GNAT3: variants seen among roughly 807,000 people sequenced by gnomAD.
The protein encoded by GNAT3 is G protein subunit alpha transducin 3.
In GNAT3, 31 loss-of-function variants were observed where a neutral mutation model predicts 37.7. The ratio of observed to expected loss-of-function variants is 0.82; its 90% CI spans 0.62 to 1.11. The LOEUF (loss-of-function observed/expected upper bound fraction) is 1.11, where lower values mean the gene tolerates loss of function less well. Ranked by LOEUF, GNAT3 falls within the 50% of genes most tolerant of loss-of-function variation. The pLI is 0.00. For missense variants in GNAT3, 437 were observed against 412.5 expected (o/e 1.06, Z -0.51); for synonymous variants, 138 against 139.8 (o/e 0.99, Z 0.09).
chr7:80,502,902 C>T (rs1291820175), intron 1 of GNAT3, among the ~76,000 whole-genome samples: 1 of 152,104 alleles, frequency 6.6e-6, no homozygotes, highest in Admixed American at 6.5e-5. Context: ...CCTAACATTC[C>T]TCAAATCTTA....
chr7:80,491,562 T>A (rs113606512), intron 2 of GNAT3, among the ~76,000 whole-genome samples: 3,082 of 152,016 alleles, frequency 0.02, 86 homozygotes, highest in African/African-American at 0.066. Context: ...AGAGATAGAG[T>A]TAGAAGAATA....
rs1313953919 is a variant in GNAT3, at chr7:80,462,152, AT to A, written c.874+6del. ...ATTTCTATGGAACTAAAAGAAAAAA[AT>A]CTTACCAGTGTATTCTGGAAAGCAG... On this transcript the variant is annotated splice_donor_region_variant and intron_variant, in intron 7 of 7. Transcript: ENST00000398291. 2.0e-6 allele frequency: 3 copies of A among 1,526,216 alleles called. No homozygotes were observed. The highest frequency in any genetic ancestry group is 4.9e-5 in the East Asian group (2 of 40,944). The allele number at this position is 1,526,216 out of a possible 1,614,324, so 94.5% of individuals were successfully genotyped here. A position where few individuals can be genotyped will look rare whatever the true frequency, so the allele number is the denominator to read the frequency against.
At chr7:80,505,362 T>A (rs1003497410) in intron 1 of GNAT3, among the ~76,000 whole-genome samples, 8 of 152,182 alleles carry the variant, frequency 5.3e-5, no homozygotes, top group African/African-American at 1.2e-4. Context: ...AGTGATTTTT[T>A]AAATTTATTT....
chr7:80,487,047 G>A (rs191400964), intron 3 of GNAT3, among the ~76,000 whole-genome samples: 96 of 152,186 alleles, frequency 6.3e-4, no homozygotes, highest in African/African-American at 2.1e-3. Flanking sequence ...ATAGCAAAAA[G>A]CACTATAATG....
intron 1 of GNAT3, among the ~76,000 whole-genome samples, chr7:80,495,793 C>G (rs548491440): frequency 1.3e-5 from 2 of 152,228 alleles, no homozygotes; most frequent in East Asian, 1.9e-4. Flanking sequence ...TTACATTTCT[C>G]TGACAATTAG....
chr7:80,507,041 G>T (rs1043680297), intron 1 of GNAT3, among the ~76,000 whole-genome samples: 5 of 151,888 alleles, frequency 3.3e-5, no homozygotes, highest in Non-Finnish European at 7.4e-5. Flanking sequence ...GATAAATAAG[G>T]CAAAACAAAA....
intron 3 of GNAT3, among the ~76,000 whole-genome samples, chr7:80,485,208 C>G (rs1790456739): frequency 6.6e-6 from 1 of 150,994 alleles, no homozygotes; most frequent in Admixed American, 6.6e-5. Context: ...ACTCTGTTAT[C>G]CCTAATACCC....
At chr7:80,507,663 T>TA (rs1381593165) in intron 1 of GNAT3, among the ~76,000 whole-genome samples, 1 of 152,054 alleles carries the variant, frequency 6.6e-6, no homozygotes, top group African/African-American at 2.4e-5. Flanking sequence ...TCAGGTGATT[T>TA]AAAAATGCAT....
chr7:80,492,610 T>G lies in GNAT3; in HGVS notation c.161+1995A>C, dbSNP rs547165293. On this transcript the variant is annotated intron_variant, in intron 2 of 7. Coordinates refer to ENST00000398291, the MANE Select transcript of GNAT3 (RefSeq NM_001102386.3). ...TATTTCATTATCTTAAATAGTGATA[T>G]AAGCCTTTTATACAGGCTTTTATAT... Among the ~76,000 whole-genome samples, 21 of 151,836 alleles carry G rather than the reference T, an allele frequency of 1.4e-4. 1 individual carries two copies. The South Asian group carries it at 3.9e-3, about 28-fold the overall frequency.
At chr7:80,477,321 T>C (rs1041815221) in intron 4 of GNAT3, among the ~76,000 whole-genome samples, 3 of 152,158 alleles carry the variant, frequency 2.0e-5, no homozygotes, top group African/African-American at 7.2e-5. Flanking sequence ...TTCAGCTTCT[T>C]ACTCATTGTG....
chr7:80,509,238 T>C (rs1358540890), intron 1 of GNAT3, among the ~76,000 whole-genome samples: 3 of 152,072 alleles, frequency 2.0e-5, no homozygotes, highest in Admixed American at 2.0e-4. Context: ...GAGAATGAAG[T>C]AGAGCTGTTA....
At chr7:80,464,982 C>A (rs776891117) in intron 5 of GNAT3, among the ~76,000 whole-genome samples, 8 of 151,954 alleles carry the variant, frequency 5.3e-5, no homozygotes. Flanking sequence ...TACCAAATTG[C>A]AGTTTCAGGC....
At chr7:80,502,715 A>T (rs1354320929) in intron 1 of GNAT3, among the ~76,000 whole-genome samples, 1 of 152,014 alleles carries the variant, frequency 6.6e-6, no homozygotes, top group African/African-American at 2.4e-5. Flanking sequence ...CTAAAAAAAA[A>T]AAACATAGGT....
intron 1 of GNAT3, among the ~76,000 whole-genome samples, chr7:80,497,580 GTATATACA>G (rs1790745224): frequency 5.4e-5 from 7 of 129,512 alleles, no homozygotes; most frequent in Non-Finnish European, 1.2e-4. Context: ...ATACATATAC[GTATATACA>G]TATACGTATA....
intron 1 of GNAT3, among the ~76,000 whole-genome samples, chr7:80,505,363 A>T (rs1031944056): frequency 2.1e-4 from 32 of 152,074 alleles, no homozygotes; most frequent in Admixed American, 1.3e-4. Flanking sequence ...GTGATTTTTT[A>T]AATTTATTTT....
At chr7:80,474,522 C>G in intron 4 of GNAT3, 143 bp from the exon 5 acceptor site, 1 of 374,466 alleles carries the variant, frequency 2.7e-6, no homozygotes, top group Non-Finnish European at 4.6e-6. Flanking sequence ...AACCAGGATT[C>G]AGTAGAAATG....
intron 1 of GNAT3, among the ~76,000 whole-genome samples, chr7:80,507,998 C>A (rs1790981812): frequency 6.6e-6 from 1 of 151,498 alleles, no homozygotes; most frequent in Non-Finnish European, 1.5e-5. Context: ...CAGATTACAT[C>A]ATTAAAATAA....
intron 6 of GNAT3, 27 bp from the exon 7 acceptor site, chr7:80,462,339 G>C (rs755114987): frequency 6.2e-7 from 1 of 1,602,856 alleles, no homozygotes; most frequent in Admixed American, 1.7e-5. Context: ...ATGAGAATGG[G>C]TAGGATTATT....
Position 80,511,961 on chromosome 7 carries a change from C to A in GNAT3, c.-35G>T. 6.8e-7 allele frequency: 1 copy of A among 1,464,838 alleles called. No homozygotes were observed. Among genetic ancestry groups the A allele is most frequent in the South Asian group, 1.2e-5 (1 of 85,274 alleles). 90.7% of individuals were successfully genotyped at this position (1,464,838 alleles called of 1,614,324 possible). On this transcript the variant is annotated 5_prime_UTR_variant, in exon 1 of 8. An upstream open reading frame in the 5' UTR gains an earlier in-frame stop. Transcript: ENST00000398291. ...GTAGATACTTGTCAGTTTATATGTT[C>A]AGATTTTTCAAATGTTGAGCACAGC...
Sources: gnomAD v4.1 joint callset for allele counts (sites outside exome capture counted in the v4.1 genomes callset) on GRCh38, gnomAD v4.1.1 for gene constraint, MANE v1.5 for transcripts, NCBI Gene and HGNC (gene_info 2026-07-23, HGNC 2026-07-21) for gene names.